ZDHHC14: variants seen among roughly 807,000 people sequenced by gnomAD.
ZDHHC14 encodes the protein palmitoyltransferase ZDHHC14.
ZDHHC14 carries 16 observed loss-of-function variants against 47.7 expected under a neutral mutation model. The ratio of observed to expected loss-of-function variants is 0.34; its 90% CI spans 0.23 to 0.51. The LOEUF (loss-of-function observed/expected upper bound fraction) is 0.51. Ranked by LOEUF, ZDHHC14 falls within the 20% of genes least tolerant of loss-of-function variation. The probability of loss-of-function intolerance (pLI) is 0.97; values close to 1 mark genes in which losing one functional copy is unlikely to be tolerated. For missense variants in ZDHHC14, 515 were observed against 662.5 expected (o/e 0.78, Z 2.44); for synonymous variants, 293 against 278.9 (o/e 1.05, Z -0.50).
chr6:157,400,433 A>G (rs887884001), intron 1 of ZDHHC14, among the ~76,000 whole-genome samples: 1 of 152,212 alleles, frequency 6.6e-6, no homozygotes, highest in Non-Finnish European at 1.5e-5. Context: ...CACCCTCTAC[A>G]TCCAGCAGCA....
At chr6:157,505,563 A>C (rs938965087) in intron 1 of ZDHHC14, among the ~76,000 whole-genome samples, 2 of 152,202 alleles carry the variant, frequency 1.3e-5, no homozygotes, top group Non-Finnish European at 2.9e-5. Context: ...TGCTGAATGA[A>C]TTAACAATTT....
chr6:157,516,290 G>C (rs749764759), intron 1 of ZDHHC14, among the ~76,000 whole-genome samples: 3 of 152,164 alleles, frequency 2.0e-5, no homozygotes, highest in Non-Finnish European at 2.9e-5. Context: ...GTGTAATAGC[G>C]ATGCTGTGAA....
chr6:157,462,852 C>G (rs1344027254), intron 1 of ZDHHC14, among the ~76,000 whole-genome samples: 2 of 152,258 alleles, frequency 1.3e-5, no homozygotes, highest in South Asian at 2.1e-4. Flanking sequence ...TCTGCAGACT[C>G]AGCTGAAGTT....
chr6:157,609,205 G>A (rs763357092), intron 3 of ZDHHC14, among the ~76,000 whole-genome samples: 4 of 152,142 alleles, frequency 2.6e-5, no homozygotes, highest in African/African-American at 9.7e-5. Context: ...TGAGGACCTC[G>A]AAACAGTGGG....
chr6:157,540,906 G>GTATATATATATATATATATATATA (rs1470065372), intron 1 of ZDHHC14, among the ~76,000 whole-genome samples: 3 of 127,096 alleles, frequency 2.4e-5, no homozygotes, highest in Non-Finnish European at 4.5e-5. Flanking sequence ...GTGTGTGTGT[G>GTATATATATATATATATATATATA]TGTGTATATA....
chr6:157,555,417 C>A (rs1782418437), intron 2 of ZDHHC14, among the ~76,000 whole-genome samples: 2 of 152,276 alleles, frequency 1.3e-5, no homozygotes, highest in Admixed American at 6.5e-5. Flanking sequence ...AAAGAGAATT[C>A]CCCATTTTTT....
intron 5 of ZDHHC14, among the ~76,000 whole-genome samples, chr6:157,644,825 C>G (rs190319112): frequency 1.1e-3 from 171 of 152,306 alleles, no homozygotes; most frequent in African/African-American, 4.0e-3. Context: ...GGATTTTTCC[C>G]CCTGAGAAAT....
intron 2 of ZDHHC14, among the ~76,000 whole-genome samples, chr6:157,552,718 G>A (rs146044190): frequency 1.6e-3 from 241 of 152,286 alleles, no homozygotes; most frequent in Non-Finnish European, 2.3e-3. Flanking sequence ...AGAGAGCAGA[G>A]GCTGCTGCCT....
intron 5 of ZDHHC14, among the ~76,000 whole-genome samples, chr6:157,643,917 T>C (rs1245031356): frequency 6.6e-6 from 1 of 151,994 alleles, no homozygotes; most frequent in African/African-American, 2.4e-5. Context: ...CACATAAGTA[T>C]TTCTAGGATT....
At chr6:157,446,633 C>T (rs1350991167) in intron 1 of ZDHHC14, among the ~76,000 whole-genome samples, 2 of 151,786 alleles carry the variant, frequency 1.3e-5, no homozygotes, top group Non-Finnish European at 2.9e-5. Flanking sequence ...TGGCCTCGAA[C>T]TCCTGACCTC....
intron 3 of ZDHHC14, among the ~76,000 whole-genome samples, chr6:157,623,087 G>C (rs960602132): frequency 6.6e-6 from 1 of 152,104 alleles, no homozygotes; most frequent in Admixed American, 6.6e-5. Flanking sequence ...GAACCTTCCA[G>C]GTATTCCAGC....
intron 1 of ZDHHC14, among the ~76,000 whole-genome samples, chr6:157,495,205 A>G (rs1165529928): frequency 6.6e-6 from 1 of 151,954 alleles, no homozygotes; most frequent in Non-Finnish European, 1.5e-5. Context: ...GCAAACTTCT[A>G]TTTTTTGGAG....
chr6:157,587,412 T>G (rs1271993784), intron 2 of ZDHHC14, among the ~76,000 whole-genome samples: 3 of 152,210 alleles, frequency 2.0e-5, no homozygotes, highest in Admixed American at 6.5e-5. Flanking sequence ...TTAAGGCCCC[T>G]GCTTTTGGAG....
At chr6:157,475,374 T>A (rs2114830379) in intron 1 of ZDHHC14, among the ~76,000 whole-genome samples, 1 of 152,228 alleles carries the variant, frequency 6.6e-6, no homozygotes, top group Non-Finnish European at 1.5e-5. Flanking sequence ...TCCATATGGA[T>A]CTTAGGATTT....
At chr6:157,548,104 C>CAA (rs559113398) in intron 2 of ZDHHC14, among the ~76,000 whole-genome samples, 1 of 143,690 alleles carries the variant, frequency 7.0e-6, no homozygotes, top group African/African-American at 2.5e-5. Flanking sequence ...CACCCCTCCC[C>CAA]AAAAAAAAAA....
Position 157,582,579 on chromosome 6 carries a change from G to C in ZDHHC14, c.407-10409G>C, listed in dbSNP as rs1434151832. 1.3e-5 allele frequency among the ~76,000 whole-genome samples: 2 copies of C among 152,174 alleles called. No homozygotes were observed. Among genetic ancestry groups the C allele is most frequent in the Non-Finnish European group, 2.9e-5 (2 of 68,038 alleles). Reference sequence around the variant, plus strand: ...AGCCTGATCTCTTCTGGCTTTTAGGGCTTCTGCTGAAAGATCTGCTGTTAG... The same window carrying C: ...AGCCTGATCTCTTCTGGCTTTTAGGCCTTCTGCTGAAAGATCTGCTGTTAG... On this transcript the variant is annotated intron_variant, in intron 2 of 8. Coordinates refer to ENST00000359775, the MANE Select transcript of ZDHHC14 (RefSeq NM_024630.3). The surrounding 1 kb of genome is among the most constrained non-coding windows in gnomAD (Gnocchi z 4.3).
At chr6:157,579,409 G>C (rs1396893678) in intron 2 of ZDHHC14, among the ~76,000 whole-genome samples, 1 of 151,936 alleles carries the variant, frequency 6.6e-6, no homozygotes, top group Non-Finnish European at 1.5e-5. Flanking sequence ...ATGTTAGCCA[G>C]GATGGTCTCA....
intron 8 of ZDHHC14, among the ~76,000 whole-genome samples, chr6:157,672,479 T>TA (rs1452944833): frequency 1.1e-4 from 17 of 152,282 alleles, no homozygotes; most frequent in African/African-American, 4.1e-4. Flanking sequence ...GGCTGCATGT[T>TA]ATGACTGGGC....
chr6:157,671,633 A>G (rs1367944626), intron 8 of ZDHHC14, among the ~76,000 whole-genome samples: 1 of 152,194 alleles, frequency 6.6e-6, no homozygotes, highest in Non-Finnish European at 1.5e-5. Flanking sequence ...ATGTGCTTAC[A>G]CTATCTTCTT....
Sources: gnomAD v4.1 joint callset for allele counts (sites outside exome capture counted in the v4.1 genomes callset) on GRCh38, gnomAD v4.1.1 for gene constraint, Gnocchi (gnomAD v3.1) non-coding constraint, MANE v1.5 for transcripts, NCBI Gene and HGNC (gene_info 2026-07-23, HGNC 2026-07-21) for gene names.